The following KSR2 variants were observed in gnomAD, a reference collection of about 807,000 sequenced individuals.
KSR2 encodes the protein kinase suppressor of ras 2.
In KSR2, 25 loss-of-function variants were observed where a neutral mutation model predicts 107.8. The ratio of observed to expected loss-of-function variants is 0.23; its 90% CI spans 0.17 to 0.32. KSR2 has a LOEUF of 0.32. Ranked by LOEUF, KSR2 falls within the 10% of genes least tolerant of loss-of-function variation. KSR2 has a pLI of 1.00. For synonymous variants in KSR2, 480 were observed against 507.0 expected (o/e 0.95, Z 0.71); for missense variants, 887 against 1,268.9 (o/e 0.70, Z 4.57).
At chr12:117,753,436 ATATAAG>A (rs1197336409) in intron 4 of KSR2, among the ~76,000 whole-genome samples, 2 of 152,300 alleles carry the variant, frequency 1.3e-5, no homozygotes, top group Middle Eastern at 3.4e-3. Context: ...ATATCTATGT[ATATAAG>A]TATATGTGGT....
At chr12:117,873,248 G>A (rs952610673) in intron 1 of KSR2, among the ~76,000 whole-genome samples, 6 of 151,018 alleles carry the variant, frequency 4.0e-5, no homozygotes, top group African/African-American at 1.5e-4. Flanking sequence ...CAGAGGCTAA[G>A]ACAGGAGAAT....
At chr12:117,960,581 T>C (rs1233386283) in intron 1 of KSR2, among the ~76,000 whole-genome samples, 1 of 152,130 alleles carries the variant, frequency 6.6e-6, no homozygotes, top group Non-Finnish European at 1.5e-5. Flanking sequence ...CAGCCACAGT[T>C]GAGCCATCAG....
intron 14 of KSR2, chr12:117,517,778 G>C (rs1874470722): frequency 2.2e-6 from 1 of 448,932 alleles, no homozygotes; most frequent in Admixed American, 2.4e-5. Flanking sequence ...GCTTCCACTC[G>C]ATGATGGGGA....
In KSR2 at chr12:117,459,175, C is replaced by A. The variant is rs1444556641; in HGVS notation, c.*8024G>T. 2 of 152,160 alleles carry A rather than the reference C, an allele frequency of 1.3e-5. No individual in the cohort carries two copies. The highest frequency in any genetic ancestry group is 4.8e-5 in the African/African-American group (2 of 41,420). 9.4% of individuals were successfully genotyped at this position (152,160 alleles called of 1,614,324 possible). A position where few individuals can be genotyped will look rare whatever the true frequency, so the allele number is the denominator to read the frequency against. On this transcript the variant is annotated 3_prime_UTR_variant, in exon 20 of 20. Transcript: ENST00000339824. ...CTTTCTTTCTGCATTTTCCAAGTTCCCTAACTGAGAAGAAACATCTGCAGA... is the reference window on the plus strand; with the variant it reads ...CTTTCTTTCTGCATTTTCCAAGTTCACTAACTGAGAAGAAACATCTGCAGA...
chr12:117,478,910 T>C (rs1302522877), intron 16 of KSR2, among the ~76,000 whole-genome samples: 1 of 152,252 alleles, frequency 6.6e-6, no homozygotes, highest in Non-Finnish European at 1.5e-5. Context: ...TGGCCATAAA[T>C]GGAGACTAGT....
intron 12 of KSR2, among the ~76,000 whole-genome samples, chr12:117,529,183 C>T (rs934009499): frequency 7.2e-5 from 11 of 152,148 alleles, no homozygotes; most frequent in Admixed American, 5.2e-4. Context: ...AGGCTTCCAT[C>T]GCAACCAAAG....
chr12:117,840,343 C>A (rs1455206216), intron 3 of KSR2, among the ~76,000 whole-genome samples: 2 of 152,076 alleles, frequency 1.3e-5, no homozygotes, highest in African/African-American at 4.8e-5. Context: ...GGTGATCCAC[C>A]CACCTTGGCC....
intron 1 of KSR2, among the ~76,000 whole-genome samples, chr12:117,920,436 T>A (rs1242145713): frequency 6.6e-6 from 1 of 150,936 alleles, no homozygotes; most frequent in Non-Finnish European, 1.5e-5. Flanking sequence ...AGAAAAAGAA[T>A]ATAGGTCTTA....
rs549360095 is a variant in KSR2, at chr12:117,824,730, G to A, written c.472+30698C>T. Among the ~76,000 whole-genome samples the A allele has an allele frequency of 2.0e-4, 31 of 151,558 alleles. 1 individual carries two copies. In the East Asian group the frequency reaches 3.3e-3, roughly 16 times the overall value. On this transcript the variant is annotated intron_variant, in intron 3 of 19. Transcript: ENST00000339824. ...ACATTAGCTGGGTGTGGTGGCAGGC[G>A]CCTGTAGTCCCAGCTACTCGGGAGG...
chr12:117,476,405 T>C, intron 17 of KSR2, 59 bp downstream of exon 17: 1 of 1,498,056 alleles, frequency 6.7e-7, no homozygotes, highest in African/African-American at 1.4e-5. Flanking sequence ...CTGAAAGACT[T>C]GAGAAGTGCC....
At chr12:117,650,289 T>TC (rs1883840299) in intron 5 of KSR2, among the ~76,000 whole-genome samples, 1 of 152,136 alleles carries the variant, frequency 6.6e-6, no homozygotes, top group East Asian at 1.9e-4. Context: ...ACCATACAAC[T>TC]CCAAGTTCTT....
At chr12:117,894,543 T>C (rs983784610) in intron 1 of KSR2, among the ~76,000 whole-genome samples, 5 of 152,086 alleles carry the variant, frequency 3.3e-5, no homozygotes, top group Admixed American at 3.3e-4. Context: ...ATGGTTTGGC[T>C]CTGTGTCCCC....
At chr12:117,508,514 T>C (rs1332975685) in intron 14 of KSR2, among the ~76,000 whole-genome samples, 3 of 151,870 alleles carry the variant, frequency 2.0e-5, no homozygotes, top group African/African-American at 7.3e-5. Flanking sequence ...CATGGATGGA[T>C]GGATTGATTA....
At chr12:117,776,996 G>T (rs78693364) in intron 3 of KSR2, among the ~76,000 whole-genome samples, 1 of 150,760 alleles carries the variant, frequency 6.6e-6, no homozygotes, top group African/African-American at 2.4e-5. Context: ...AGGTTCCTGC[G>T]AGCCTCTGGT....
At chr12:117,638,913 C>CA (rs1438256222) in intron 5 of KSR2, among the ~76,000 whole-genome samples, 1 of 151,606 alleles carries the variant, frequency 6.6e-6, no homozygotes, top group African/African-American at 2.4e-5. Context: ...TTTTAAAAAT[C>CA]AAAATGAATG....
intron 3 of KSR2, among the ~76,000 whole-genome samples, chr12:117,762,927 A>C (rs1889095584): frequency 6.6e-6 from 1 of 152,008 alleles, no homozygotes; most frequent in Non-Finnish European, 1.5e-5. Flanking sequence ...TTTAGGGTAC[A>C]TGTGCACAAT....
intron 3 of KSR2, among the ~76,000 whole-genome samples, chr12:117,840,797 T>C (rs1290216723): frequency 6.6e-6 from 1 of 151,822 alleles, no homozygotes; most frequent in Non-Finnish European, 1.5e-5. Flanking sequence ...GGTCAGGAGT[T>C]TGAGACCAAC....
intron 3 of KSR2, among the ~76,000 whole-genome samples, chr12:117,774,904 T>C (rs1889632863): frequency 6.6e-6 from 1 of 152,230 alleles, no homozygotes; most frequent in South Asian, 2.1e-4. Context: ...TTTATATGAA[T>C]GGAATCCTAC....
At position 117,851,792 on chromosome 12, in the gene KSR2, G is replaced by A. The variant is rs185282564; in HGVS notation, c.472+3636C>T. On this transcript the variant is annotated intron_variant, in intron 3 of 19. Coordinates refer to ENST00000339824, the MANE Select transcript of KSR2 (RefSeq NM_173598.6). The stretch of plus-strand genomic sequence containing the variant: ...TGTTGTCCCAGCTACTCAGGAGGCT[G>A]AGGCAAGGGAATCACTTGAATCCAG... 4.6e-5 allele frequency among the ~76,000 whole-genome samples: 7 copies of A among 152,166 alleles called. No individual in the cohort carries two copies. In the East Asian group the frequency reaches 1.4e-3, roughly 29 times the overall value.
Sources: gnomAD v4.1 joint callset for allele counts (sites outside exome capture counted in the v4.1 genomes callset) on GRCh38, gnomAD v4.1.1 for gene constraint, MANE v1.5 for transcripts, NCBI Gene and HGNC (gene_info 2026-07-23, HGNC 2026-07-21) for gene names.